Variants in TNS3 observed in about 807,000 individuals in gnomAD.
The protein encoded by TNS3 is tensin 3, also known as tensin-3.
A neutral mutation model predicts 140.9 loss-of-function variants in TNS3; 45 were observed. The observed-to-expected ratio is 0.32, with a 90% CI of 0.25 to 0.41. TNS3 has a LOEUF of 0.41. TNS3 is among the 10% of genes least tolerant of loss of function. The pLI is 1.00. For synonymous variants in TNS3, 815 were observed against 788.4 expected, an observed-to-expected ratio of 1.03 and a Z score of -0.56; for missense variants, 1,716 against 1,906.7, an observed-to-expected ratio of 0.90 and a Z score of 1.86.
chr7:47,285,690 T>G (rs1168972121), intron 27 of TNS3, among the ~76,000 whole-genome samples: 1 of 152,214 alleles, frequency 6.6e-6, no homozygotes, highest in Non-Finnish European at 1.5e-5. Flanking sequence ...TGCCTAGAAG[T>G]AACCTAGTGG....
At chr7:47,427,107 C>T (rs369760648) in intron 9 of TNS3, among the ~76,000 whole-genome samples, 18 of 124,442 alleles carry the variant, frequency 1.4e-4, no homozygotes, top group Admixed American at 8.7e-4. Context: ...ACCTGGGCAA[C>T]GAAGCAAGAC....
intron 13 of TNS3, among the ~76,000 whole-genome samples, chr7:47,408,565 G>A (rs1021217543): frequency 1.3e-5 from 2 of 152,140 alleles, no homozygotes; most frequent in African/African-American, 4.8e-5. Flanking sequence ...TGGTGATGCC[G>A]CAGGGTCACA....
Position 47,302,195 on chromosome 7 carries a change from T to A in TNS3, c.3535A>T (p.Arg1179Ter). 1 of 1,614,174 alleles carries A rather than the reference T, an allele frequency of 6.2e-7. No homozygotes were observed. The highest frequency in any genetic ancestry group is 1.1e-5 in the South Asian group (1 of 91,088). The change falls in exon 23 of 31, where the codon AGA becomes TGA. Residue 1179 changes from arginine (R) to a stop codon, truncating the protein, a stop_gained. Transcript: ENST00000311160. LOFTEE classifies it high-confidence loss of function. ...CATCCTCCCCACATACCTTGTTCTCTTGAAATATCCGCCTTGTACCAGAAC... is the reference window on the plus strand; with the variant it reads ...CATCCTCCCCACATACCTTGTTCTCATGAAATATCCGCCTTGTACCAGAAC... ...SKFWYKADISREQAIAMLKDK... is the reference protein window; with the variant it reads ...SKFWYKADIS
At chr7:47,485,805 G>C (rs1336113679) in intron 3 of TNS3, among the ~76,000 whole-genome samples, 1 of 152,224 alleles carries the variant, frequency 6.6e-6, no homozygotes, top group Admixed American at 6.5e-5. Context: ...TGGCTACGTG[G>C]GTGCCTGGGT....
At chr7:47,398,230 A>G (rs1792945059) in intron 15 of TNS3, among the ~76,000 whole-genome samples, 1 of 152,164 alleles carries the variant, frequency 6.6e-6, no homozygotes, top group Non-Finnish European at 1.5e-5. Flanking sequence ...TCTACCATCC[A>G]TTCAAAGAAG....
In TNS3 at chr7:47,291,121, G is replaced by T. The variant is rs888276641; in HGVS notation, c.3928+834C>A. Among the ~76,000 whole-genome samples the T allele has an allele frequency of 4.1e-4, 63 of 152,140 alleles. 1 individual carries two copies. The highest frequency in any genetic ancestry group is 5.9e-5 in the Non-Finnish European group (4 of 68,030). ...TGGTTTCAACTATATGACAATACTGGAAAAGTTGAAAATATGGAGACAATA... is the reference window on the plus strand; with the variant it reads ...TGGTTTCAACTATATGACAATACTGTAAAAGTTGAAAATATGGAGACAATA... On this transcript the variant is annotated intron_variant, in intron 27 of 30. Transcript: ENST00000311160.
At chr7:47,424,312 C>A in intron 9 of TNS3, 128 bp from the exon 10 acceptor site, 1 of 718,702 alleles carries the variant, frequency 1.4e-6, no homozygotes, top group Non-Finnish European at 2.3e-6. Context: ...CCCTTTGCTG[C>A]ACCTGTGCAC....
intron 2 of TNS3, among the ~76,000 whole-genome samples, chr7:47,510,823 C>CCTGCA (rs1204790263): frequency 1.4e-5 from 2 of 143,188 alleles, no homozygotes; most frequent in Non-Finnish European, 3.0e-5. Context: ...TGCAGTGAGC[C>CCTGCA]GAGATCGTGC....
chr7:47,498,916 A>G (rs1798113267), intron 3 of TNS3, among the ~76,000 whole-genome samples: 1 of 152,252 alleles, frequency 6.6e-6, no homozygotes, highest in South Asian at 2.1e-4. Context: ...CCCACAGGGC[A>G]AGGCCCCGAG....
At chr7:47,505,902 C>T (rs545501830) in intron 3 of TNS3, among the ~76,000 whole-genome samples, 10 of 152,232 alleles carry the variant, frequency 6.6e-5, no homozygotes, top group Admixed American at 2.0e-4. Context: ...GGAAACCAGC[C>T]GCCCTAGTCC....
chr7:47,397,112 GA>G (rs908283141), intron 15 of TNS3, among the ~76,000 whole-genome samples: 12 of 152,260 alleles, frequency 7.9e-5, no homozygotes, highest in African/African-American at 2.9e-4. Flanking sequence ...CCACGAGGGG[GA>G]AGGGATAAGT....
At chr7:47,474,754 AAC>A (rs569620440) in intron 4 of TNS3, among the ~76,000 whole-genome samples, 10 of 149,924 alleles carry the variant, frequency 6.7e-5, no homozygotes, top group East Asian at 2.0e-4. Context: ...CACAACACAC[AAC>A]ACACAAAGCA....
upstream of TNS3, chr7:47,582,113 G>C (rs892425068): frequency 6.6e-6 from 1 of 151,654 alleles, no homozygotes; most frequent in African/African-American, 2.4e-5. Context: ...GCTCCGAGTA[G>C]CGCGCGGGCG....
chr7:47,446,896 A>G (rs918537117), intron 4 of TNS3, among the ~76,000 whole-genome samples: 1 of 150,730 alleles, frequency 6.6e-6, no homozygotes, highest in East Asian at 2.0e-4. Flanking sequence ...GGGTCTCGCC[A>G]TGTTGTCCAG....
intron 1 of TNS3, among the ~76,000 whole-genome samples, chr7:47,545,122 T>C (rs116174741): frequency 0.021 from 3,119 of 149,034 alleles, 114 homozygotes; most frequent in African/African-American, 0.071. Flanking sequence ...TGATAATACA[T>C]TGAGATGCGT....
intron 4 of TNS3, among the ~76,000 whole-genome samples, chr7:47,475,779 G>A (rs1031685042): frequency 2.6e-5 from 4 of 152,188 alleles, no homozygotes; most frequent in Non-Finnish European, 5.9e-5. Flanking sequence ...CCACCATTCG[G>A]ACCACTGTTA....
In TNS3 at chr7:47,368,311, TAGCCTCCCG is replaced by T. The variant is rs1405905391; in HGVS notation, c.2281+45_2281+53del. On this transcript the variant is annotated intron_variant, in intron 17 of 30. Transcript: ENST00000311160. ...ACTAGGCTGATTTCTCATCACACAT[TAGCCTCCCG>T]TGGAGCACCTCCCGTGGAGCACCTC... is the stretch of plus-strand genomic sequence containing the variant. The T allele has an allele frequency of 1.9e-5, 27 of 1,418,806 alleles. No individual in the cohort carries two copies. In the African/African-American group the frequency reaches 3.8e-4, roughly 20 times the overall value. 87.9% of individuals were successfully genotyped at this position (1,418,806 alleles called of 1,614,324 possible).
Position 47,395,149 on chromosome 7 carries a change from T to C in TNS3, c.1024+1651A>G, listed in dbSNP as rs1433145202. ...ACCTCCCAGCATCACGAGAATGACC[T>C]TTCCACAACTCGCCTCCCTGTTCTC... On this transcript the variant is annotated intron_variant, in intron 16 of 30. Transcript: ENST00000311160. 3.3e-5 allele frequency among the ~76,000 whole-genome samples: 5 copies of C among 152,316 alleles called. No individual in the cohort carries two copies. In the East Asian group the frequency reaches 9.6e-4, roughly 29 times the overall value.
intron 16 of TNS3, among the ~76,000 whole-genome samples, chr7:47,383,030 G>A (rs149343350): frequency 1.8e-3 from 281 of 152,300 alleles, no homozygotes; most frequent in Non-Finnish European, 3.1e-3. Flanking sequence ...CAATTAGAAG[G>A]ATGAGAAAAG....
Sources: gnomAD v4.1 joint callset for allele counts (sites outside exome capture counted in the v4.1 genomes callset) on GRCh38, gnomAD v4.1.1 for gene constraint, MANE v1.5 for transcripts, NCBI Gene and HGNC (gene_info 2026-07-23, HGNC 2026-07-21) for gene names.